Variants in WDR43 observed in about 807,000 individuals in gnomAD.
WDR43 encodes WD repeat domain 43, also known as WD repeat-containing protein 43.
WDR43 carries 13 observed loss-of-function variants against 91.4 expected under a neutral mutation model. The observed-to-expected ratio is 0.14, with a 90% CI of 0.09 to 0.23. The LOEUF is 0.23. Among genes scored for constraint, WDR43 ranks in the 10% least tolerant of loss-of-function variants. The probability of loss-of-function intolerance (pLI) is 1.00; values close to 1 mark genes in which losing one functional copy is unlikely to be tolerated. For synonymous variants in WDR43, 331 were observed against 287.9 expected (o/e 1.15, Z -1.51); for missense variants, 780 against 809.4 (o/e 0.96, Z 0.44).
intron 6 of WDR43, among the ~76,000 whole-genome samples, chr2:28,921,389 G>A (rs1671023440): frequency 6.6e-6 from 1 of 152,144 alleles, no homozygotes; most frequent in African/African-American, 2.4e-5. Flanking sequence ...GCCTCCCAAA[G>A]TGCTGGGTTT....
At chr2:28,940,133 T>C (rs1299538296) in intron 14 of WDR43, among the ~76,000 whole-genome samples, 1 of 125,650 alleles carries the variant, frequency 8.0e-6, no homozygotes, top group Non-Finnish European at 1.7e-5. Flanking sequence ...AAAAAAAGAA[T>C]GGAGTCCGTT....
At position 28,926,534 on chromosome 2, in the gene WDR43, G is replaced by A. The variant is rs1234824551; in HGVS notation, c.1153G>A (p.Val385Ile). Residue 385 changes from valine (V) to isoleucine (I), a missense_variant, in exon 9 of 18, where the codon GTA (valine) becomes ATA (isoleucine). This residue lies in a region of WDR43 where 426 missense variants were observed against 467.8 expected (regional missense o/e 0.91). Transcript: ENST00000407426. ...TATTTCAAACTGCTGGGCCCCCAAA[G>A]TAGAAACAGCTATAACAAAGGTGAG... ...RDISNCWAPKVETAITKVRTP... is the reference protein window; with the variant it reads ...RDISNCWAPKIETAITKVRTP... 1.9e-6 allele frequency: 3 copies of A among 1,597,300 alleles called. No homozygotes were observed. Among genetic ancestry groups the A allele is most frequent in the Non-Finnish European group, 2.6e-6 (3 of 1,170,920 alleles).
At chr2:28,940,512 G>A (rs1045861325) in intron 14 of WDR43, among the ~76,000 whole-genome samples, 2 of 152,168 alleles carry the variant, frequency 1.3e-5, no homozygotes, top group Non-Finnish European at 2.9e-5. Context: ...TTACAGGCAT[G>A]AGCCACCGCG....
Position 28,894,794 on chromosome 2 carries a change from C to T in WDR43, c.96C>T (p.Ala32=), listed in dbSNP as rs371610775. Residue 32 remains alanine, a synonymous_variant, in exon 1 of 18, where the codon GCC becomes GCT. Coordinates refer to ENST00000407426, the MANE Select transcript of WDR43 (RefSeq NM_015131.3). ...SPHSQAYFAL[A]STDGHLRVWE... Reference sequence around the variant, plus strand: ...ACAGCCAGGCCTACTTCGCTTTGGCCTCTACCGACGGTCACTTACGAGTAT... The same window carrying T: ...ACAGCCAGGCCTACTTCGCTTTGGCTTCTACCGACGGTCACTTACGAGTAT... The T allele has an allele frequency of 8.7e-4, 1,401 of 1,609,984 alleles. 25 individuals carry two copies. In the South Asian group the frequency reaches 0.014, roughly 16 times the overall value.
intron 5 of WDR43, among the ~76,000 whole-genome samples, chr2:28,914,483 A>G (rs758007360): frequency 2.0e-5 from 3 of 152,224 alleles, no homozygotes; most frequent in Non-Finnish European, 2.9e-5. Flanking sequence ...AAAAATTTAG[A>G]AAGACCTTTG....
rs372274968 is a variant in WDR43, at chr2:28,899,192, C to T, written c.226-2795C>T. 1.6e-4 allele frequency among the ~76,000 whole-genome samples: 25 copies of T among 152,296 alleles called. 1 individual carries two copies. The East Asian group carries it at 2.3e-3, about 14-fold the overall frequency. The stretch of plus-strand genomic sequence containing the variant: ...AAATATATAAACTAAATTTTTTAGC[C>T]TACCTTTTTATTACTTAATATATTT... On this transcript the variant is annotated intron_variant, in intron 1 of 17. Transcript: ENST00000407426.
intron 8 of WDR43, among the ~76,000 whole-genome samples, chr2:28,926,046 A>G (rs1435767013): frequency 6.6e-6 from 1 of 152,202 alleles, no homozygotes; most frequent in Non-Finnish European, 1.5e-5. Flanking sequence ...CAACAGTGCT[A>G]CCTTTGACTT....
intron 3 of WDR43, among the ~76,000 whole-genome samples, chr2:28,910,678 A>T (rs900663355): frequency 1.4e-5 from 2 of 142,644 alleles, no homozygotes; most frequent in Non-Finnish European, 3.0e-5. Context: ...TGTGTGTGTA[A>T]ATATATATAT....
In WDR43 at chr2:28,917,863, G is replaced by GC. The variant is rs541388401; in HGVS notation, c.747-29dup. 1.7e-4 allele frequency: 255 copies of GC among 1,544,428 alleles called. 1 individual carries two copies. The African/African-American group carries it at 2.8e-3, about 17-fold the overall frequency. On this transcript the variant is annotated intron_variant, in intron 5 of 17. Coordinates refer to ENST00000407426, the MANE Select transcript of WDR43 (RefSeq NM_015131.3). The stretch of plus-strand genomic sequence containing the variant: ...TTAGGAAGAAAATTAAATCTGTCTT[G>GC]CTATCTAACTTGCTGGTTTTGTTAT...
chr2:28,940,517 A>C (rs78598385), intron 14 of WDR43, among the ~76,000 whole-genome samples: 2 of 152,144 alleles, frequency 1.3e-5, no homozygotes, highest in East Asian at 3.9e-4. Flanking sequence ...GGCATGAGCC[A>C]CCGCGCCCAG....
chr2:28,921,130 A>ATTT (rs1323038957), intron 6 of WDR43, among the ~76,000 whole-genome samples: 3,500 of 142,040 alleles, frequency 0.025, 160 homozygotes, highest in African/African-American at 0.086. Flanking sequence ...TTTTAAAAAA[A>ATTT]ATTTTTTTTT....
At chr2:28,905,665 CTTTT>C (rs942200958) in intron 2 of WDR43, among the ~76,000 whole-genome samples, 28 of 80,134 alleles carry the variant, frequency 3.5e-4, no homozygotes, top group Non-Finnish European at 5.7e-4. Context: ...CTCTTCTTCT[CTTTT>C]TTTTTTTTTT....
At chr2:28,945,891 C>T (rs575954440) in intron 16 of WDR43, among the ~76,000 whole-genome samples, 116 of 152,274 alleles carry the variant, frequency 7.6e-4, no homozygotes, top group African/African-American at 2.6e-3. Context: ...GCCAGCTTTT[C>T]TGTGTTGAAT....
intron 5 of WDR43, among the ~76,000 whole-genome samples, chr2:28,917,287 A>G (rs951206160): frequency 3.3e-5 from 5 of 152,208 alleles, no homozygotes; most frequent in Non-Finnish European, 4.4e-5. Flanking sequence ...AAAATTTTGC[A>G]AAAGATGACT....
intron 6 of WDR43, among the ~76,000 whole-genome samples, chr2:28,921,025 T>G (rs1312022175): frequency 2.0e-5 from 3 of 152,152 alleles, no homozygotes; most frequent in Non-Finnish European, 4.4e-5. Context: ...CTGTTGCTAC[T>G]TTTAGATTTA....
At chr2:28,899,576 T>C (rs1391972970) in intron 1 of WDR43, among the ~76,000 whole-genome samples, 1 of 152,196 alleles carries the variant, frequency 6.6e-6, no homozygotes, top group Admixed American at 6.5e-5. Flanking sequence ...CATAGAACTG[T>C]TTATATTGAT....
In WDR43 at chr2:28,935,584, A is replaced by G. The variant is rs1240899277; in HGVS notation, c.1501A>G (p.Thr501Ala). Residue 501 changes from threonine to alanine, a missense_variant, in exon 12 of 18, where the codon ACT (threonine) becomes GCT (alanine). Thr to Ala is a moderately conservative substitution (Grantham distance 58, BLOSUM62 0). Transcript: ENST00000407426. ...KKTVLRMPLH[T>A]IIPLLQELTK... ...GACTGTATTAAGGATGCCCCTGCATACTATTATTCCGTTGTTACAAGAGGT... is the reference window on the plus strand; with the variant it reads ...GACTGTATTAAGGATGCCCCTGCATGCTATTATTCCGTTGTTACAAGAGGT... 2.5e-6 allele frequency: 4 copies of G among 1,594,386 alleles called. No individual in the cohort carries two copies. Among genetic ancestry groups the G allele is most frequent in the African/African-American group, 1.4e-5 (1 of 74,072 alleles).
chr2:28,946,456 C>T lies in WDR43; in HGVS notation c.1811C>T (p.Ser604Phe). ...GTTCTTTCTCCCCTTACAGAGTCTT[C>T]TGAAGAGGAGTCTGATGATGAAATA... ...KAKLVYEEESSEEESDDEIAD... is the reference protein window; with the variant it reads ...KAKLVYEEESFEEESDDEIAD... The change falls in exon 17 of 18, where the codon TCT (serine) becomes TTT (phenylalanine). Residue 604 changes from serine to phenylalanine, a missense_variant. By Grantham distance (155) the Ser-to-Phe change is radical. This residue lies in a region of WDR43 where 426 missense variants were observed against 467.8 expected (regional missense o/e 0.91). Transcript: ENST00000407426. 1 of 1,611,338 alleles carries T rather than the reference C, an allele frequency of 6.2e-7. No individual in the cohort carries two copies. The highest frequency in any genetic ancestry group is 8.5e-7 in the Non-Finnish European group (1 of 1,178,832).
intron 3 of WDR43, among the ~76,000 whole-genome samples, chr2:28,910,694 T>TATATATATATAA (rs1001847583): frequency 6.7e-6 from 1 of 148,312 alleles, no homozygotes. Flanking sequence ...TATATATATA[T>TATATATATATAA]AATTATTATT....
Sources: gnomAD v4.1 joint callset for allele counts (sites outside exome capture counted in the v4.1 genomes callset) on GRCh38, gnomAD v4.1.1 for gene constraint, gnomAD v4.1.1 regional missense constraint, MANE v1.5 for transcripts, NCBI Gene and HGNC (gene_info 2026-07-23, HGNC 2026-07-21) for gene names.